Variants in PBRM1 observed in about 807,000 individuals in gnomAD.
PBRM1 encodes the protein protein polybromo-1.
Under a neutral mutation model 194.5 loss-of-function variants are expected in PBRM1, and 27 were observed. That is an observed-to-expected ratio of 0.14 (90% CI 0.10 to 0.19). The LOEUF is 0.19. PBRM1 is among the 10% of genes least tolerant of loss of function. The pLI is 1.00. For synonymous variants in PBRM1, 655 were observed against 693.2 expected, an observed-to-expected ratio of 0.94 and a Z score of 0.87; for missense variants, 1,466 against 2,077.2, an observed-to-expected ratio of 0.71 and a Z score of 5.72.
At chr3:52,615,755 G>A (rs1352281270) in intron 14 of PBRM1, among the ~76,000 whole-genome samples, 1 of 152,156 alleles carries the variant, frequency 6.6e-6, no homozygotes. Flanking sequence ...ACATTTACAT[G>A]TGTTGTTTTC....
At chr3:52,600,763 C>T (rs567848000) in intron 17 of PBRM1, among the ~76,000 whole-genome samples, 4 of 152,116 alleles carry the variant, frequency 2.6e-5, no homozygotes, top group Non-Finnish European at 4.4e-5. Flanking sequence ...CTCAGCCTTC[C>T]GAGTAGTTGG....
chr3:52,566,069 C>CA (rs527776499), intron 22 of PBRM1, among the ~76,000 whole-genome samples: 160 of 138,406 alleles, frequency 1.2e-3, no homozygotes, highest in East Asian at 9.0e-3. Flanking sequence ...CAAAACAAAA[C>CA]AAAAAAAACA....
At chr3:52,607,966 A>T (rs555868093) in intron 16 of PBRM1, among the ~76,000 whole-genome samples, 2 of 152,304 alleles carry the variant, frequency 1.3e-5, no homozygotes, top group East Asian at 3.9e-4. Context: ...TGCTCATAAC[A>T]TTCATCTTAT....
At chr3:52,566,441 T>C (rs966629706) in intron 22 of PBRM1, among the ~76,000 whole-genome samples, 1 of 152,122 alleles carries the variant, frequency 6.6e-6, no homozygotes, top group East Asian at 1.9e-4. Flanking sequence ...TACATGTCCA[T>C]TAACAGATGT....
At chr3:52,646,627 CCAAGACAA>C (rs2096296821) in intron 7 of PBRM1, among the ~76,000 whole-genome samples, 3 of 151,376 alleles carry the variant, frequency 2.0e-5, no homozygotes, top group Non-Finnish European at 4.4e-5. Context: ...AACAAAGTTG[CCAAGACAA>C]TTCAAGACAA....
chr3:52,569,095 C>T (rs565968338), intron 22 of PBRM1, among the ~76,000 whole-genome samples: 4 of 152,144 alleles, frequency 2.6e-5, no homozygotes, highest in African/African-American at 9.6e-5. Flanking sequence ...GCCATCTTGC[C>T]CAGGCTGGTC....
intron 10 of PBRM1, among the ~76,000 whole-genome samples, chr3:52,638,263 G>A (rs1270686116): frequency 3.3e-5 from 5 of 152,080 alleles, no homozygotes; most frequent in African/African-American, 1.2e-4. Context: ...AGAATGAACT[G>A]CGGAGCTCTT....
chr3:52,636,160 C>T (rs919394432), intron 10 of PBRM1, among the ~76,000 whole-genome samples: 1 of 151,924 alleles, frequency 6.6e-6, no homozygotes, highest in Non-Finnish European at 1.5e-5. Context: ...CGTGAGCCAC[C>T]ACGCCCAGCC....
chr3:52,652,071 A>C lies in PBRM1; in HGVS notation c.646-261T>G, dbSNP rs4234636. Reference sequence around the variant, plus strand: ...TGAGTGTTATTATGCAACTAGCATAAAATTTAATGTTTTAAAAAATTCTAG... The same window carrying C: ...TGAGTGTTATTATGCAACTAGCATACAATTTAATGTTTTAAAAAATTCTAG... On this transcript the variant is annotated intron_variant, in intron 5 of 29. Coordinates refer to ENST00000296302, the Ensembl canonical transcript of PBRM1. 0.99 allele frequency among the ~76,000 whole-genome samples: 150,489 copies of C among 152,342 alleles called. 74,363 individuals carry two copies. The highest frequency in any genetic ancestry group is 1 in the Middle Eastern group (294 of 294).
chr3:52,662,341 T>C, intron 3 of PBRM1, 65 bp from the exon 5 acceptor site: 1 of 1,395,232 alleles, frequency 7.2e-7, no homozygotes, highest in Non-Finnish European at 9.8e-7. Context: ...GTTGCTACTT[T>C]TAAAGCACCT....
chr3:52,550,522 G>A (rs2153373812), exon 29 of PBRM1: 1 of 1,581,512 alleles, frequency 6.3e-7, no homozygotes, highest in South Asian at 1.2e-5. Context: ...CTGGGTCTTT[G>A]GTGGGGGAGC....
At chr3:52,583,492 T>C (rs980051794) in intron 20 of PBRM1, among the ~76,000 whole-genome samples, 3 of 152,154 alleles carry the variant, frequency 2.0e-5, no homozygotes, top group Non-Finnish European at 4.4e-5. Context: ...TATCAGTCTT[T>C]TCAACTCTTG....
At chr3:52,650,417 C>T (rs991142276) in intron 6 of PBRM1, among the ~76,000 whole-genome samples, 1 of 140,296 alleles carries the variant, frequency 7.1e-6, no homozygotes, top group Non-Finnish European at 1.5e-5. Context: ...ATTAGGGAAT[C>T]TGTATTTTAT....
chr3:52,606,653 G>A (rs940705911), intron 16 of PBRM1, among the ~76,000 whole-genome samples: 9 of 152,096 alleles, frequency 5.9e-5, no homozygotes, highest in Non-Finnish European at 1.0e-4. Context: ...AACGCAAGCT[G>A]GAAAAAGAAC....
chr3:52,627,184 G>C (rs2095474530), intron 13 of PBRM1, 89 bp downstream of exon 14: 2 of 691,824 alleles, frequency 2.9e-6, no homozygotes, highest in East Asian at 2.7e-5. Context: ...CTTACAACTT[G>C]ATAGCTTAAA....
chr3:52,593,642 T>C (rs2093309351), intron 17 of PBRM1, among the ~76,000 whole-genome samples: 1 of 152,238 alleles, frequency 6.6e-6, no homozygotes, highest in African/African-American at 2.4e-5. Context: ...TTGTTTTTGT[T>C]CGTTTCAAAG....
chr3:52,576,491 T>C, intron 22 of PBRM1, 50 bp downstream of exon 24: 2 of 1,439,898 alleles, frequency 1.4e-6, no homozygotes, highest in Non-Finnish European at 1.9e-6. Context: ...TAGTATTCCA[T>C]CAATTTTGAT....
At chr3:52,678,668 T>A (rs911449300) in intron 1 of PBRM1, 71 bp from the exon 3 acceptor site, 2 of 906,332 alleles carry the variant, frequency 2.2e-6, no homozygotes, top group African/African-American at 3.3e-5. Flanking sequence ...ATAAGAATTA[T>A]TTTCTACTCT....
chr3:52,577,430 CAAAAAA>C (rs71084193), intron 21 of PBRM1, among the ~76,000 whole-genome samples: 9 of 65,710 alleles, frequency 1.4e-4, no homozygotes, highest in Admixed American at 5.6e-4. Context: ...GACAATGTCT[CAAAAAA>C]AAAAAAAAAA....
Sources: gnomAD v4.1 joint callset for allele counts (sites outside exome capture counted in the v4.1 genomes callset) on GRCh38, gnomAD v4.1.1 for gene constraint, MANE v1.5 for transcripts, NCBI Gene and HGNC (gene_info 2026-07-23, HGNC 2026-07-21) for gene names.